The following MBTPS1 variants were observed in gnomAD, a reference collection of about 807,000 sequenced individuals.
The protein encoded by MBTPS1 is membrane bound transcription factor peptidase, site 1.
A neutral mutation model predicts 127.8 loss-of-function variants in MBTPS1; 94 were observed. That is an observed-to-expected ratio of 0.74 (90% CI 0.62 to 0.87). The LOEUF is 0.87. Among genes scored for constraint, MBTPS1 ranks in the 40% least tolerant of loss-of-function variants. The pLI is 0.00. For synonymous variants in MBTPS1, 632 were observed against 509.4 expected (o/e 1.24, Z -3.24); for missense variants, 1,636 against 1,353.2 (o/e 1.21, Z -3.28).
At chr16:84,071,033 T>C (rs1354234481) in intron 12 of MBTPS1, among the ~76,000 whole-genome samples, 1 of 152,228 alleles carries the variant, frequency 6.6e-6, no homozygotes, top group Non-Finnish European at 1.5e-5. Context: ...TTTTTTTCTA[T>C]TATAAAACAG....
intron 20 of MBTPS1, 86 bp downstream of exon 20, chr16:84,060,596 G>C: frequency 6.7e-7 from 1 of 1,496,730 alleles, no homozygotes; most frequent in East Asian, 2.3e-5. Context: ...GGCCCCACTT[G>C]CTGGCAGGCA....
intron 11 of MBTPS1, among the ~76,000 whole-genome samples, chr16:84,076,340 T>C (rs1283093892): frequency 6.6e-6 from 1 of 152,128 alleles, no homozygotes; most frequent in Non-Finnish European, 1.5e-5. Flanking sequence ...AGCATCTTAC[T>C]TAACGGAGAA....
intron 14 of MBTPS1, 129 bp downstream of exon 14, chr16:84,069,736 CA>C: frequency 1.2e-6 from 1 of 857,498 alleles, no homozygotes; most frequent in Non-Finnish European, 1.8e-6. Flanking sequence ...AAAGCCTGAA[CA>C]TCTCAGCGTC....
Position 84,095,587 on chromosome 16 carries a change from G to A in MBTPS1, c.625+15C>T. On this transcript the variant is annotated intron_variant, in intron 4 of 22. Coordinates refer to ENST00000343411, the MANE Select transcript of MBTPS1 (RefSeq NM_003791.4). ...GTATATCCCATAAGCACCTTCCCTG[G>A]GTAATAGCACACACCTGTATATCCC... is the stretch of plus-strand genomic sequence containing the variant. 1.2e-6 allele frequency: 2 copies of A among 1,612,222 alleles called. No homozygotes were observed. The highest frequency in any genetic ancestry group is 1.1e-5 in the South Asian group (1 of 91,030).
At chr16:84,055,924 C>T (rs955120718) in intron 22 of MBTPS1, 81 bp downstream of exon 22, 126 of 1,429,368 alleles carry the variant, frequency 8.8e-5, no homozygotes, top group Middle Eastern at 2.5e-4. Context: ...GAGTCTGGCC[C>T]GCCTCCTGGG....
At chr16:84,057,987 C>T (rs142783556) in intron 21 of MBTPS1, 2,591 of 152,288 alleles carry the variant, frequency 0.017, 45 homozygotes, top group Non-Finnish European at 0.021. Flanking sequence ...GTATGAATTG[C>T]TGACCATGGC....
intron 3 of MBTPS1, among the ~76,000 whole-genome samples, chr16:84,098,247 A>G (rs915872983): frequency 1.4e-4 from 21 of 152,196 alleles, no homozygotes; most frequent in Non-Finnish European, 2.2e-4. Flanking sequence ...CTGATGCATG[A>G]CCATTCCTGG....
intron 11 of MBTPS1, among the ~76,000 whole-genome samples, chr16:84,078,952 C>CT (rs1458329104): frequency 6.6e-6 from 1 of 152,228 alleles, no homozygotes; most frequent in Non-Finnish European, 1.5e-5. Context: ...TGCTCGCCCC[C>CT]TCCCAATCTC....
intron 2 of MBTPS1, among the ~76,000 whole-genome samples, chr16:84,099,890 C>T (rs1305256924): frequency 6.6e-6 from 1 of 151,808 alleles, no homozygotes; most frequent in East Asian, 1.9e-4. Flanking sequence ...AGTTTGAATA[C>T]ACAACAAAGA....
chr16:84,089,584 G>A (rs893097580), intron 8 of MBTPS1, among the ~76,000 whole-genome samples: 28 of 152,290 alleles, frequency 1.8e-4, no homozygotes, highest in African/African-American at 6.5e-4. Flanking sequence ...AGCATTCATG[G>A]TGCTCTCCCC....
intron 18 of MBTPS1, 120 bp downstream of exon 18, chr16:84,065,570 A>G (rs2085669288): frequency 1.4e-6 from 1 of 724,398 alleles, no homozygotes; most frequent in Admixed American, 2.2e-5. Flanking sequence ...TATGGTATGT[A>G]AATTATATGC....
chr16:84,101,489 TC>T (rs1199928955), intron 2 of MBTPS1, 131 bp downstream of exon 2: 14 of 749,550 alleles, frequency 1.9e-5, no homozygotes, highest in Non-Finnish European at 2.7e-5. Context: ...AGACTCTGTC[TC>T]AAAAAAAAAA....
rs760268660 is a variant in MBTPS1, at chr16:84,069,828, A to T, written c.1955+38T>A. ...ACAGTGGTGCCTCCTCCCACCACGG[A>T]GGCTGGGGAGGTGAAGTGCATCCTG... On this transcript the variant is annotated intron_variant, in intron 14 of 22. Coordinates refer to ENST00000343411, the MANE Select transcript of MBTPS1 (RefSeq NM_003791.4). 4.5e-6 allele frequency: 7 copies of T among 1,565,332 alleles called. No homozygotes were observed. The South Asian group carries it at 8.0e-5, about 18-fold the overall frequency.
chr16:84,107,247 C>T (rs551152771), intron 1 of MBTPS1, among the ~76,000 whole-genome samples: 2 of 152,326 alleles, frequency 1.3e-5, no homozygotes, highest in African/African-American at 2.4e-5. Context: ...CAGAAAAGGG[C>T]CACACTAGTG....
At chr16:84,054,771 C>T (rs543449435) in intron 22 of MBTPS1, 126 bp from the exon 23 acceptor site, 166 of 678,218 alleles carry the variant, frequency 2.4e-4, no homozygotes, top group Middle Eastern at 8.4e-4. Flanking sequence ...GCTTGCAGGG[C>T]ATACATCATT....
intron 11 of MBTPS1, among the ~76,000 whole-genome samples, chr16:84,080,586 C>A (rs931401961): frequency 1.3e-5 from 2 of 152,228 alleles, no homozygotes; most frequent in Non-Finnish European, 2.9e-5. Context: ...ACGTCTGTGC[C>A]AAGGCCACGC....
At chr16:84,094,514 T>C (rs1212825398) in intron 4 of MBTPS1, among the ~76,000 whole-genome samples, 3 of 151,852 alleles carry the variant, frequency 2.0e-5, no homozygotes, top group Non-Finnish European at 2.9e-5. Flanking sequence ...CTAGAAAGCA[T>C]CTAGAAAAAA....
intron 8 of MBTPS1, among the ~76,000 whole-genome samples, chr16:84,089,749 G>A (rs1385695485): frequency 6.6e-6 from 1 of 152,216 alleles, no homozygotes; most frequent in East Asian, 1.9e-4. Flanking sequence ...CCATGTCCAT[G>A]CTGGAAGAGC....
At chr16:84,060,894 C>T (rs922879542) in intron 19 of MBTPS1, 81 bp from the exon 20 acceptor site, 4 of 1,369,350 alleles carry the variant, frequency 2.9e-6, no homozygotes, top group Non-Finnish European at 4.0e-6. Flanking sequence ...AGTGCAGTGG[C>T]GCAATCATAG....
Sources: gnomAD v4.1 joint callset for allele counts (sites outside exome capture counted in the v4.1 genomes callset) on GRCh38, gnomAD v4.1.1 for gene constraint, MANE v1.5 for transcripts, NCBI Gene and HGNC (gene_info 2026-07-23, HGNC 2026-07-21) for gene names.